PAK1: variants seen among roughly 807,000 people sequenced by gnomAD.
The protein encoded by PAK1 is p21 (RAC1) activated kinase 1, also known as serine/threonine-protein kinase PAK 1.
In PAK1, 29 loss-of-function variants were observed where a neutral mutation model predicts 67.4. The ratio of observed to expected loss-of-function variants is 0.43; its 90% CI spans 0.32 to 0.59. The LOEUF (loss-of-function observed/expected upper bound fraction) is 0.59, where lower values mean the gene tolerates loss of function less well. Ranked by LOEUF, PAK1 falls within the 20% of genes least tolerant of loss-of-function variation. The pLI is 0.07. For missense variants in PAK1, 337 were observed against 670.7 expected, an observed-to-expected ratio of 0.50 and a Z score of 5.50; for synonymous variants, 223 against 237.4, an observed-to-expected ratio of 0.94 and a Z score of 0.56.
intron 1 of PAK1, among the ~76,000 whole-genome samples, chr11:77,399,936 G>T (rs1201319415): frequency 6.8e-6 from 1 of 148,124 alleles, no homozygotes; most frequent in Admixed American, 6.7e-5. Context: ...AATATATAAT[G>T]GATATGATAA....
chr11:77,322,373 C>T lies in PAK1; in HGVS notation c.*901G>A, dbSNP rs1212333410. 5.1e-6 allele frequency: 1 copy of T among 195,680 alleles called. No homozygotes were observed. The highest frequency in any genetic ancestry group is 1.1e-5 in the Non-Finnish European group (1 of 94,204). The allele number at this position is 195,680 out of a possible 1,614,324, so 12.1% of individuals were successfully genotyped here. A position where few individuals can be genotyped will look rare whatever the true frequency, so the allele number is the denominator to read the frequency against. Reference sequence around the variant, plus strand: ...CAAAAGATTTGGACCATTAGAAGATCCAAGTTAATCTTTCAGCTCCTTATC... The same window carrying T: ...CAAAAGATTTGGACCATTAGAAGATTCAAGTTAATCTTTCAGCTCCTTATC... On this transcript the variant is annotated 3_prime_UTR_variant, in exon 15 of 15. Coordinates refer to ENST00000356341, the MANE Select transcript of PAK1 (RefSeq NM_002576.5).
chr11:77,336,004 C>T, intron 13 of PAK1, 82 bp downstream of exon 13: 1 of 876,814 alleles, frequency 1.1e-6, no homozygotes, highest in Non-Finnish European at 1.8e-6. Flanking sequence ...GGTTGAAAAC[C>T]ACAGAGAACA....
chr11:77,326,731 TCTC>T (rs1315782135), intron 14 of PAK1, among the ~76,000 whole-genome samples: 1 of 151,838 alleles, frequency 6.6e-6, no homozygotes, highest in Non-Finnish European at 1.5e-5. Flanking sequence ...TCAGAGCGCC[TCTC>T]CTCCTCCAAA....
In PAK1 at chr11:77,425,172, A is replaced by C. The variant is rs924941352; in HGVS notation, c.-21-32631T>G. ...TCCTTTATAAACTCAAAAGTGGCTGAGGTCCACTGTGTCATCAAAGTAGAA... is the reference window on the plus strand; with the variant it reads ...TCCTTTATAAACTCAAAAGTGGCTGCGGTCCACTGTGTCATCAAAGTAGAA... On this transcript the variant is annotated intron_variant, in intron 1 of 14. Coordinates refer to ENST00000356341, the MANE Select transcript of PAK1 (RefSeq NM_002576.5). 2.6e-5 allele frequency among the ~76,000 whole-genome samples: 4 copies of C among 152,204 alleles called. No individual in the cohort carries two copies. In the East Asian group the frequency reaches 7.7e-4, roughly 29 times the overall value.
At chr11:77,509,529 T>A in the PAK1 span, among the ~76,000 whole-genome samples, 21 of 152,174 alleles carry the variant, frequency 1.4e-4, no homozygotes, top group African/African-American at 4.8e-4. Flanking sequence ...TGCCTCCTAC[T>A]GTTCATGGCC....
At chr11:77,412,717 C>T (rs1368948754) in intron 1 of PAK1, among the ~76,000 whole-genome samples, 1 of 152,206 alleles carries the variant, frequency 6.6e-6, no homozygotes, top group East Asian at 1.9e-4. Flanking sequence ...AGCCACCACA[C>T]CTAGCCACTG....
rs769776073 is a variant in PAK1 at position 77,358,885 on chromosome 11, C to T, written c.597+13G>A. 6 of 1,613,172 alleles carry T rather than the reference C, an allele frequency of 3.7e-6. No individual in the cohort carries two copies. The highest frequency in any genetic ancestry group is 1.7e-5 in the Admixed American group (1 of 59,964). ...AATAAATCACAAAACTGGCCAGGTC[C>T]CCAAAGACTCACAGATTTTGTGTGC... On this transcript the variant is annotated intron_variant, in intron 6 of 14. Transcript: ENST00000356341.
intron 1 of PAK1, among the ~76,000 whole-genome samples, chr11:77,471,226 G>A (rs541565564): frequency 3.3e-4 from 51 of 152,308 alleles, no homozygotes; most frequent in African/African-American, 1.2e-3. Context: ...ATGTCACGCA[G>A]TTAAGTGCTA....
chr11:77,413,819 C>CTT (rs1294497494), intron 1 of PAK1, among the ~76,000 whole-genome samples: 1 of 152,062 alleles, frequency 6.6e-6, no homozygotes, highest in Non-Finnish European at 1.5e-5. Context: ...CATTTTAAGA[C>CTT]TTTTTTTTAA....
intron 3 of PAK1, among the ~76,000 whole-genome samples, chr11:77,379,628 G>A (rs1421985909): frequency 6.6e-6 from 1 of 152,220 alleles, no homozygotes; most frequent in Non-Finnish European, 1.5e-5. Flanking sequence ...AGGATAGGAT[G>A]TTGTTCCTGC....
chr11:77,454,323 T>C (rs939074119), intron 1 of PAK1, among the ~76,000 whole-genome samples: 4 of 152,200 alleles, frequency 2.6e-5, no homozygotes, highest in Non-Finnish European at 5.9e-5. Context: ...GTCCCTATTA[T>C]AACCTATCTC....
intron 14 of PAK1, among the ~76,000 whole-genome samples, chr11:77,325,012 C>T (rs1246136302): frequency 6.6e-6 from 1 of 152,184 alleles, no homozygotes; most frequent in African/African-American, 2.4e-5. Context: ...TGTGTTCTCA[C>T]AGGAGAAACA....
chr11:77,369,676 G>C lies in PAK1; in HGVS notation c.477+4652C>G, dbSNP rs568666671. On this transcript the variant is annotated intron_variant, in intron 5 of 14. Coordinates refer to ENST00000356341, the MANE Select transcript of PAK1 (RefSeq NM_002576.5). ...TTGGCCAGGCTGGTCTCGAACTCCTGACCTCAGGTGATCCACCCGCCTCAG... is the reference window on the plus strand; with the variant it reads ...TTGGCCAGGCTGGTCTCGAACTCCTCACCTCAGGTGATCCACCCGCCTCAG... 2.8e-4 allele frequency among the ~76,000 whole-genome samples: 43 copies of C among 151,840 alleles called. 1 individual carries two copies. In the Middle Eastern group the frequency reaches 0.014, roughly 48 times the overall value.
chr11:77,485,381 G>C, the PAK1 span, among the ~76,000 whole-genome samples: 3 of 152,062 alleles, frequency 2.0e-5, no homozygotes, highest in Non-Finnish European at 1.5e-5. Context: ...ATTTACACTG[G>C]TGTGATTATC....
At chr11:77,404,519 G>A (rs649040) in intron 1 of PAK1, among the ~76,000 whole-genome samples, 32,362 of 151,878 alleles carry the variant, frequency 0.21, 4,571 homozygotes, top group Non-Finnish European at 0.31. Context: ...CACCCACCTC[G>A]GCCTCCCAAA....
At chr11:77,527,821 C>T in the PAK1 span, among the ~76,000 whole-genome samples, 1 of 152,076 alleles carries the variant, frequency 6.6e-6, no homozygotes, top group African/African-American at 2.4e-5. Context: ...TACTCTGCAT[C>T]ATTGTTTTAT....
chr11:77,388,489 G>A (rs2602459), intron 2 of PAK1, among the ~76,000 whole-genome samples: 37,239 of 152,132 alleles, frequency 0.24, 5,649 homozygotes, highest in South Asian at 0.45. Flanking sequence ...CAGCAGCTGG[G>A]ACTACAGGCA....
intron 1 of PAK1, among the ~76,000 whole-genome samples, chr11:77,395,562 C>T (rs1462462031): frequency 6.6e-6 from 1 of 152,026 alleles, no homozygotes; most frequent in African/African-American, 2.4e-5. Flanking sequence ...AAATCTGTTC[C>T]ACTGTACTTG....
chr11:77,355,897 C>G, intron 6 of PAK1, 55 bp from the exon 7 acceptor site: 1 of 1,133,964 alleles, frequency 8.8e-7, no homozygotes, highest in Middle Eastern at 2.0e-4. Flanking sequence ...CATAGGGGAA[C>G]CTCTCCTAGA....
Sources: gnomAD v4.1 joint callset for allele counts (sites outside exome capture counted in the v4.1 genomes callset) on GRCh38, gnomAD v4.1.1 for gene constraint, MANE v1.5 for transcripts, NCBI Gene and HGNC (gene_info 2026-07-23, HGNC 2026-07-21) for gene names.